The following LRRC8D variants were observed in gnomAD, a reference collection of about 807,000 sequenced individuals.
The protein encoded by LRRC8D is volume-regulated anion channel subunit LRRC8D.
LRRC8D carries 20 observed loss-of-function variants against 55.8 expected under a neutral mutation model. That is an observed-to-expected ratio of 0.36 (90% CI 0.25 to 0.52). The LOEUF (loss-of-function observed/expected upper bound fraction) is 0.52. Ranked by LOEUF, LRRC8D falls within the 20% of genes least tolerant of loss-of-function variation. The probability of loss-of-function intolerance (pLI) is 0.93; values close to 1 mark genes in which losing one functional copy is unlikely to be tolerated. For synonymous variants in LRRC8D, 352 were observed against 377.0 expected, an observed-to-expected ratio of 0.93 and a Z score of 0.77; for missense variants, 651 against 1,030.8, an observed-to-expected ratio of 0.63 and a Z score of 5.05.
intron 2 of LRRC8D, among the ~76,000 whole-genome samples, chr1:89,896,749 TTCTGTCTTTCTCCCTTTCTCTC>T (rs1557473214): frequency 1.3e-5 from 2 of 152,134 alleles, no homozygotes; most frequent in African/African-American, 4.8e-5. Context: ...CTTTCTCCCT[TTCTGTCTTTCTCCCTTTCTCTC>T]TCTCTGTCTC....
chr1:89,864,395 C>T (rs1417351164), intron 2 of LRRC8D, among the ~76,000 whole-genome samples: 1 of 152,190 alleles, frequency 6.6e-6, no homozygotes, highest in African/African-American at 2.4e-5. Flanking sequence ...ATTCTTCCTT[C>T]ATCTGATGAA....
intron 2 of LRRC8D, among the ~76,000 whole-genome samples, chr1:89,920,002 T>C (rs1380990357): frequency 1.3e-5 from 2 of 152,150 alleles, no homozygotes; most frequent in Non-Finnish European, 2.9e-5. Flanking sequence ...AAACTGAGAT[T>C]GTATGGAATA....
At position 89,935,390 on chromosome 1, in the gene LRRC8D, C is replaced by T. The variant is rs1163852225; in HGVS notation, c.2322C>T (p.Cys774=). The change falls in exon 3 of 3, where the codon TGC becomes TGT. Residue 774 remains cysteine (C), a synonymous_variant. Transcript: ENST00000337338. ...VDILPKQLFK[C]IKLRTLNLGQ... The stretch of plus-strand genomic sequence containing the variant: ...TTCTGCCAAAACAATTGTTTAAATG[C>T]ATAAAGTTGAGGACTTTGAATCTGG... The T allele has an allele frequency of 1.2e-6, 2 of 1,614,224 alleles. No homozygotes were observed. The highest frequency in any genetic ancestry group is 2.2e-5 in the South Asian group (2 of 91,086).
chr1:89,923,194 C>T (rs946964036), intron 2 of LRRC8D, among the ~76,000 whole-genome samples: 6 of 152,162 alleles, frequency 3.9e-5, no homozygotes, highest in African/African-American at 9.7e-5. Flanking sequence ...TTCATGTGTG[C>T]CATTGACAAG....
chr1:89,911,573 C>A lies in LRRC8D; in HGVS notation c.-2-21494C>A, dbSNP rs1458736753. On this transcript the variant is annotated intron_variant, in intron 2 of 2. Coordinates refer to ENST00000337338, the MANE Select transcript of LRRC8D (RefSeq NM_001134479.2). This position sits in a 1 kb window ranked among gnomAD's most constrained non-coding sequence, Gnocchi z 4.0. ...TTTTACCCCTCTACTCCTTTCCTAT[C>A]CTGAAAAATACACCCTCCCATCATA... Among the ~76,000 whole-genome samples, 1 of 152,182 alleles carries A rather than the reference C, an allele frequency of 6.6e-6. No homozygotes were observed. The highest frequency in any genetic ancestry group is 1.5e-5 in the Non-Finnish European group (1 of 68,032).
chr1:89,887,272 G>T (rs1052561671), intron 2 of LRRC8D, among the ~76,000 whole-genome samples: 1 of 152,058 alleles, frequency 6.6e-6, no homozygotes, highest in South Asian at 2.1e-4. Flanking sequence ...TCATTATCAC[G>T]CTTGGACACT....
At chr1:89,931,667 G>C (rs937959799) in intron 2 of LRRC8D, among the ~76,000 whole-genome samples, 1 of 152,160 alleles carries the variant, frequency 6.6e-6, no homozygotes, top group Non-Finnish European at 1.5e-5. Context: ...GCTGAGGCAG[G>C]AGAATCGCTT....
chr1:89,875,110 A>G (rs757060341), intron 2 of LRRC8D, among the ~76,000 whole-genome samples: 1 of 152,218 alleles, frequency 6.6e-6, no homozygotes, highest in Non-Finnish European at 1.5e-5. Flanking sequence ...GTATAAAGCT[A>G]CAAACCAATA....
At chr1:89,914,331 C>T (rs1295920920) in intron 2 of LRRC8D, among the ~76,000 whole-genome samples, 1 of 152,242 alleles carries the variant, frequency 6.6e-6, no homozygotes, top group Non-Finnish European at 1.5e-5. Flanking sequence ...GGTTCCCGCT[C>T]ACGCCTCTGC....
intron 2 of LRRC8D, among the ~76,000 whole-genome samples, chr1:89,922,989 T>G (rs1234265220): frequency 6.6e-6 from 1 of 152,214 alleles, no homozygotes; most frequent in Non-Finnish European, 1.5e-5. Context: ...TTACTGATTT[T>G]TTTTCATTAC....
At chr1:89,879,682 T>C (rs1662233066) in intron 2 of LRRC8D, among the ~76,000 whole-genome samples, 1 of 152,210 alleles carries the variant, frequency 6.6e-6, no homozygotes, top group African/African-American at 2.4e-5. Context: ...TAATGATGCA[T>C]GTTGTATAAT....
intron 2 of LRRC8D, among the ~76,000 whole-genome samples, chr1:89,886,301 G>A (rs544038147): frequency 6.6e-6 from 1 of 152,274 alleles, no homozygotes; most frequent in East Asian, 1.9e-4. Flanking sequence ...CCCCGGACGG[G>A]GGAGGTCATT....
intron 1 of LRRC8D, among the ~76,000 whole-genome samples, chr1:89,823,325 T>C (rs1316703356): frequency 2.0e-5 from 3 of 152,152 alleles, no homozygotes; most frequent in Non-Finnish European, 4.4e-5. Context: ...GCCCTTTTTT[T>C]CTCAAAATCG....
At chr1:89,866,800 C>T (rs1317850448) in intron 2 of LRRC8D, among the ~76,000 whole-genome samples, 1 of 152,052 alleles carries the variant, frequency 6.6e-6, no homozygotes, top group African/African-American at 2.4e-5. Flanking sequence ...AGAATACACA[C>T]CTGTTGAGGA....
intron 2 of LRRC8D, among the ~76,000 whole-genome samples, chr1:89,871,760 A>C (rs1662011802): frequency 6.6e-6 from 1 of 152,202 alleles, no homozygotes; most frequent in Non-Finnish European, 1.5e-5. Flanking sequence ...AGTACCTGGT[A>C]CCTACGGTTT....
chr1:89,907,155 G>A (rs936682763), intron 2 of LRRC8D, among the ~76,000 whole-genome samples: 1 of 148,508 alleles, frequency 6.7e-6, no homozygotes, highest in South Asian at 2.2e-4. Context: ...TATCTTTCAG[G>A]TGTTGGGCTT....
At chr1:89,881,135 G>C (rs1662272467) in intron 2 of LRRC8D, among the ~76,000 whole-genome samples, 1 of 151,986 alleles carries the variant, frequency 6.6e-6, no homozygotes, top group Non-Finnish European at 1.5e-5. Context: ...CTCATTTCCA[G>C]CTCCATTTCT....
In LRRC8D at chr1:89,878,441, C is replaced by T. The variant is rs12066087; in HGVS notation, c.-3+34659C>T. Among the ~76,000 whole-genome samples, 1,496 of 152,290 alleles carry T rather than the reference C, an allele frequency of 9.8e-3. 19 individuals carry two copies. The highest frequency in any genetic ancestry group is 0.034 in the African/African-American group (1,426 of 41,560). On this transcript the variant is annotated intron_variant, in intron 2 of 2. Transcript: ENST00000337338. Reference sequence around the variant, plus strand: ...AGATGGCAAGAGGTATTTTCTTATGCAAGTAGTCCCATTCTCTAGGCCATA... The same window carrying T: ...AGATGGCAAGAGGTATTTTCTTATGTAAGTAGTCCCATTCTCTAGGCCATA...
At chr1:89,864,879 G>A (rs1408640282) in intron 2 of LRRC8D, among the ~76,000 whole-genome samples, 1 of 151,982 alleles carries the variant, frequency 6.6e-6, no homozygotes, top group East Asian at 1.9e-4. Flanking sequence ...AATAAGCTTT[G>A]ACTACAGGGT....
Sources: gnomAD v4.1 joint callset for allele counts (sites outside exome capture counted in the v4.1 genomes callset) on GRCh38, gnomAD v4.1.1 for gene constraint, Gnocchi (gnomAD v3.1) non-coding constraint, MANE v1.5 for transcripts, NCBI Gene and HGNC (gene_info 2026-07-23, HGNC 2026-07-21) for gene names.